Variants in AMBN observed in about 807,000 individuals in gnomAD.
AMBN encodes enamel matrix protein.
In AMBN, 54 loss-of-function variants were observed where a neutral mutation model predicts 48.0. That is an observed-to-expected ratio of 1.12 (90% CI 0.90 to 1.41). The LOEUF is 1.41. Ranked by LOEUF, AMBN falls within the 40% of genes most tolerant of loss-of-function variation. The pLI is 0.00. For synonymous variants in AMBN, 186 were observed against 190.0 expected (o/e 0.98, Z 0.17); for missense variants, 571 against 547.3 (o/e 1.04, Z -0.43).
rs775867526 is a variant in AMBN, at chr4:70,601,642, A to G, written c.519A>G (p.Pro173=). Residue 173 remains proline, a synonymous_variant, in exon 6 of 13, where the codon CCA becomes CCG. Coordinates refer to ENST00000322937, the MANE Select transcript of AMBN (RefSeq NM_016519.6). ...VQQQVAPSDK[P]PKPELPGVDF... ...AGCAGGTGGCACCATCAGATAAGCC[A>G]CCAAAGCCTGAGGTACTTCCTTTCT... is the stretch of plus-strand genomic sequence containing the variant. The G allele has an allele frequency of 5.0e-6, 8 of 1,614,068 alleles. No individual in the cohort carries two copies. Among genetic ancestry groups the G allele is most frequent in the Non-Finnish European group, 6.8e-6 (8 of 1,179,958 alleles).
rs1230189015 is a variant in AMBN at position 70,593,361 on chromosome 4, T to C, written c.50T>C (p.Ile17Thr). 6.2e-7 allele frequency: 1 copy of C among 1,612,728 alleles called. No individual in the cohort carries two copies. The highest frequency in any genetic ancestry group is 1.1e-5 in the South Asian group (1 of 90,952). ...TTCAAAATGAAGGACCTGATACTGA[T>C]CCTATGCCTCCTGGAAATGAGTTTT... is the stretch of plus-strand genomic sequence containing the variant. ...PLFKMKDLIL[I>T]LCLLEMSFAV... Residue 17 changes from isoleucine (I) to threonine (T), a missense_variant, in exon 2 of 13, where the codon ATC (isoleucine) becomes ACC (threonine). Ile to Thr is a moderately conservative substitution (Grantham distance 89, BLOSUM62 -1). Transcript: ENST00000322937.
chr4:70,595,055 A>C (rs1422014427), intron 2 of AMBN, among the ~76,000 whole-genome samples: 1 of 152,086 alleles, frequency 6.6e-6, no homozygotes, highest in Admixed American at 6.5e-5. Context: ...TCCTGCTCTC[A>C]CGATTCCCCC....
Position 70,606,849 on chromosome 4 carries a change from G to A in AMBN, c.*119G>A. 8.9e-7 allele frequency: 1 copy of A among 1,129,908 alleles called. No homozygotes were observed. Among genetic ancestry groups the A allele is most frequent in the South Asian group, 1.8e-5 (1 of 57,108 alleles). 70.0% of individuals were successfully genotyped at this position (1,129,908 alleles called of 1,614,324 possible). On this transcript the variant is annotated 3_prime_UTR_variant, in exon 13 of 13. Coordinates refer to ENST00000322937, the MANE Select transcript of AMBN (RefSeq NM_016519.6). ...GCAGCAAAGGCATTAAAAGCGCTAA[G>A]CATATATTAATAAATGCAAGTGGCT...
chr4:70,600,950 G>A (rs757552249), intron 5 of AMBN, among the ~76,000 whole-genome samples: 2 of 152,036 alleles, frequency 1.3e-5, no homozygotes, highest in African/African-American at 4.8e-5. Context: ...TCATTAACTC[G>A]AAAAATATAT....
Position 70,592,373 on chromosome 4 carries a change from G to A in AMBN, c.15G>A (p.Lys5=). 4 of 1,613,906 alleles carry A rather than the reference G, an allele frequency of 2.5e-6. No individual in the cohort carries two copies. The highest frequency in any genetic ancestry group is 3.4e-6 in the Non-Finnish European group (4 of 1,179,924). Residue 5 remains lysine (K), a splice_region_variant and synonymous_variant, in exon 1 of 13, where the codon AAG becomes AAA. Transcript: ENST00000322937. The part of the protein sequence containing the change: MSAS[K]IPLFKMKDLI... ...GAGCACAGTGCATGTCAGCATCTAA[G>A]GTAAAATGGGATTTTATGATTTCCA...
Position 70,598,377 on chromosome 4 carries a change from C to T in AMBN, c.157C>T (p.Leu53=). ...ATAGACAATGAGACAGTTGGGAAGT[C>T]TGCAGAGATTAAACACACTTTCTCA... The part of the protein sequence containing the change: ...SLETMRQLGS[L]QRLNTLSQYS... The change falls in exon 4 of 13, where the codon CTG becomes TTG. Residue 53 remains leucine (L), a synonymous_variant. Coordinates refer to ENST00000322937, the MANE Select transcript of AMBN (RefSeq NM_016519.6). 1 of 1,588,770 alleles carries T rather than the reference C, an allele frequency of 6.3e-7. No individual in the cohort carries two copies. Among genetic ancestry groups the T allele is most frequent in the African/African-American group, 1.3e-5 (1 of 74,122 alleles).
chr4:70,592,582 T>A (rs1737298175), intron 1 of AMBN, among the ~76,000 whole-genome samples: 1 of 152,134 alleles, frequency 6.6e-6, no homozygotes, highest in Non-Finnish European at 1.5e-5. Context: ...AGATTGTGTT[T>A]TTTTTAATGT....
chr4:70,601,456 A>C lies in AMBN; in HGVS notation c.333A>C (p.Pro111=). ...YSLPVHPPPL[P]SQPSLKPQQP... Reference sequence around the variant, plus strand: ...TGCCTGTGCATCCCCCACCTCTCCCATCACAGCCATCCTTGAAGCCTCAAC... The same window carrying C: ...TGCCTGTGCATCCCCCACCTCTCCCCTCACAGCCATCCTTGAAGCCTCAAC... Residue 111 remains proline, a synonymous_variant, in exon 6 of 13, where the codon CCA becomes CCC. Coordinates refer to ENST00000322937, the MANE Select transcript of AMBN (RefSeq NM_016519.6). 6.2e-7 allele frequency: 1 copy of C among 1,614,154 alleles called. No individual in the cohort carries two copies. The highest frequency in any genetic ancestry group is 1.1e-5 in the South Asian group (1 of 91,078).
chr4:70,603,044 A>G (rs1737560687), intron 9 of AMBN, 34 bp downstream of exon 9: 11 of 1,576,330 alleles, frequency 7.0e-6, no homozygotes, highest in Middle Eastern at 3.6e-4. Context: ...ACTGTCTTGC[A>G]AAAACTGTCT....
At chr4:70,600,069 G>A (rs1343087640) in intron 5 of AMBN, among the ~76,000 whole-genome samples, 1 of 152,186 alleles carries the variant, frequency 6.6e-6, no homozygotes, top group Non-Finnish European at 1.5e-5. Flanking sequence ...CATTTTGGGA[G>A]GCCAAGGTGG....
chr4:70,603,316 T>G lies in AMBN; in HGVS notation c.705T>G (p.Ser235=). Residue 235 remains serine, a synonymous_variant, in exon 10 of 13, where the codon TCT becomes TCG. Coordinates refer to ENST00000322937, the MANE Select transcript of AMBN (RefSeq NM_016519.6). ...GACCAATGCCACAAAATAAACAATC[T>G]CCAGTAAGTTTTTTTTAATACCACA... The part of the protein sequence containing the change: ...SHGPMPQNKQ[S]PLYPGMLYVP... 1 of 1,613,588 alleles carries G rather than the reference T, an allele frequency of 6.2e-7. No homozygotes were observed. Among genetic ancestry groups the G allele is most frequent in the Non-Finnish European group, 8.5e-7 (1 of 1,179,788 alleles).
chr4:70,598,428 ATTC>A, intron 4 of AMBN, 25 bp downstream of exon 4: 1 of 1,566,440 alleles, frequency 6.4e-7, no homozygotes, highest in African/African-American at 1.4e-5. Context: ...TATTGCAAGT[ATTC>A]ATGGTGGTGG....
At chr4:70,605,621 T>C (rs997301237) in intron 12 of AMBN, among the ~76,000 whole-genome samples, 4 of 152,132 alleles carry the variant, frequency 2.6e-5, no homozygotes, top group Admixed American at 2.0e-4. Flanking sequence ...AACTTTGTGC[T>C]TTAAAAAAAT....
chr4:70,594,871 T>C (rs901613515), intron 2 of AMBN, among the ~76,000 whole-genome samples: 1 of 152,206 alleles, frequency 6.6e-6, no homozygotes, highest in African/African-American at 2.4e-5. Flanking sequence ...GCCTGTCAAA[T>C]CAGATGTTCT....
At chr4:70,596,288 A>C (rs886307293) in intron 2 of AMBN, among the ~76,000 whole-genome samples, 39 of 152,038 alleles carry the variant, frequency 2.6e-4, no homozygotes, top group African/African-American at 9.4e-4. Context: ...TCAAAAAAAA[A>C]AAAAAAAGGA....
intron 1 of AMBN, 66 bp downstream of exon 1, chr4:70,592,439 C>T: frequency 6.4e-7 from 1 of 1,550,958 alleles, no homozygotes; most frequent in Non-Finnish European, 8.9e-7. Flanking sequence ...CTCCTGACAG[C>T]TTTTATAAAG....
chr4:70,603,570 A>C lies in AMBN; in HGVS notation c.753+110A>C. The stretch of plus-strand genomic sequence containing the variant: ...GAGATTCCAAATAAACATTCTCTGA[A>C]CACCTACATTAGTACTGAAATATTA... On this transcript the variant is annotated intron_variant, in intron 11 of 12. Coordinates refer to ENST00000322937, the MANE Select transcript of AMBN (RefSeq NM_016519.6). The C allele has an allele frequency of 3.6e-6, 4 of 1,108,978 alleles. No homozygotes were observed. The South Asian group carries it at 5.8e-5, about 16-fold the overall frequency. The allele number at this position is 1,108,978 out of a possible 1,614,324, so 68.7% of individuals were successfully genotyped here. A position where few individuals can be genotyped will look rare whatever the true frequency, so the allele number is the denominator to read the frequency against.
chr4:70,604,494 T>G (rs1264847227), intron 12 of AMBN, among the ~76,000 whole-genome samples: 2 of 152,134 alleles, frequency 1.3e-5, no homozygotes, highest in Admixed American at 1.3e-4. Context: ...CCTAAGAAAA[T>G]TTTTGCCTGT....
At chr4:70,604,702 T>C (rs35496203) in intron 12 of AMBN, among the ~76,000 whole-genome samples, 57,067 of 151,516 alleles carry the variant, frequency 0.38, 11,813 homozygotes, top group Non-Finnish European at 0.46. Flanking sequence ...AGGTAAGATT[T>C]TCGTTTTTGG....
Sources: gnomAD v4.1 joint callset for allele counts (sites outside exome capture counted in the v4.1 genomes callset) on GRCh38, gnomAD v4.1.1 for gene constraint, MANE v1.5 for transcripts, NCBI Gene and HGNC (gene_info 2026-07-23, HGNC 2026-07-21) for gene names.